Variants in UBR4 observed in about 807,000 individuals in gnomAD.
UBR4 encodes ubiquitin protein ligase E3 component n-recognin 4, also known as E3 ubiquitin-protein ligase UBR4.
In UBR4, 124 loss-of-function variants were observed where a neutral mutation model predicts 575.6. The ratio of observed to expected loss-of-function variants is 0.22; its 90% CI spans 0.19 to 0.25. UBR4 has a LOEUF of 0.25. UBR4 is among the 10% of genes least tolerant of loss of function. UBR4 has a pLI of 1.00. For missense variants in UBR4, 4,818 were observed against 6,478.8 expected (o/e 0.74, Z 8.80); for synonymous variants, 2,455 against 2,473.7 (o/e 0.99, Z 0.22).
At chr1:19,147,447 G>A (rs1311802586) in intron 51 of UBR4, among the ~76,000 whole-genome samples, 2 of 152,170 alleles carry the variant, frequency 1.3e-5, no homozygotes, top group Non-Finnish European at 2.9e-5. Flanking sequence ...GCTCCTCTCA[G>A]AGCCTTCCTC....
intron 85 of UBR4, 129 bp downstream of exon 85, chr1:19,104,919 A>G: frequency 1.4e-6 from 2 of 1,425,762 alleles, no homozygotes; most frequent in Non-Finnish European, 9.5e-7. Flanking sequence ...TCATAAAAAT[A>G]TTTCCAAACA....
At chr1:19,188,243 G>A (rs2091747407) in intron 11 of UBR4, among the ~76,000 whole-genome samples, 1 of 152,008 alleles carries the variant, frequency 6.6e-6, no homozygotes, top group Admixed American at 6.6e-5. Context: ...TAAAATATCT[G>A]GAAACAAATC....
chr1:19,174,280 AAC>A (rs2089983947), intron 22 of UBR4, 37 bp downstream of exon 22: 1 of 1,575,288 alleles, frequency 6.3e-7, no homozygotes, highest in Non-Finnish European at 8.6e-7. Flanking sequence ...TCAATGATCA[AAC>A]ACAACCCAAA....
chr1:19,197,194 T>C lies in UBR4; in HGVS notation c.965A>G (p.Asn322Ser), dbSNP rs753419736. 17 of 1,613,996 alleles carry C rather than the reference T, an allele frequency of 1.1e-5. No individual in the cohort carries two copies. The highest frequency in any genetic ancestry group is 2.2e-5 in the East Asian group (1 of 44,894). Residue 322 changes from asparagine to serine, a missense_variant, in exon 8 of 106, where the codon AAT (asparagine) becomes AGT (serine). Physicochemically the swap from Asn to Ser is conservative, Grantham distance 46 (BLOSUM62 1). Around this residue, in one of 29 missense-constraint regions of UBR4, gnomAD observed 131 missense variants for 214.5 expected, o/e 0.61. Transcript: ENST00000375254. ...TGTCACATCTTGTAGACGAGAAGGA[T>C]TGAGAGGTTCCAACACAGGTAGAGA... Reference protein sequence around the residue: ...TLSLPVLEPLNPSRLQDVTVL... With the variant: ...TLSLPVLEPLSPSRLQDVTVL...
At chr1:19,185,313 A>T (rs1190971144) in intron 14 of UBR4, 27 bp from the exon 15 acceptor site, 1 of 1,502,800 alleles carries the variant, frequency 6.7e-7, no homozygotes, top group South Asian at 1.4e-5. Context: ...AAAGTAACGA[A>T]AATAAATATT....
chr1:19,180,988 A>G (rs2090885959), intron 17 of UBR4, among the ~76,000 whole-genome samples: 1 of 152,168 alleles, frequency 6.6e-6, no homozygotes, highest in Non-Finnish European at 1.5e-5. Flanking sequence ...ACTGTTTCTC[A>G]TTACTTCAAA....
At chr1:19,129,209 TA>T (rs575778622) in intron 60 of UBR4, 135 bp from the exon 61 acceptor site, 15,562 of 530,082 alleles carry the variant, frequency 0.029, 118 homozygotes, top group South Asian at 0.04. Context: ...TCTCCAGCAT[TA>T]AAAAAAAAAG....
intron 43 of UBR4, 132 bp downstream of exon 43, chr1:19,155,309 A>T: frequency 6.3e-6 from 7 of 1,109,732 alleles, no homozygotes; most frequent in Non-Finnish European, 8.9e-6. Context: ...TGGAAAAACA[A>T]AGAAAAAGAA....
At chr1:19,164,469 G>A (rs759475600) in intron 32 of UBR4, 28 bp from the exon 33 acceptor site, 1 of 1,600,032 alleles carries the variant, frequency 6.2e-7, no homozygotes, top group Non-Finnish European at 8.5e-7. Flanking sequence ...GCAAGTTGGT[G>A]AATAATCAAC....
At chr1:19,146,046 G>A (rs772112677) in intron 52 of UBR4, 113 bp from the exon 53 acceptor site, 1 of 1,581,964 alleles carries the variant, frequency 6.3e-7, no homozygotes, top group East Asian at 2.3e-5. Flanking sequence ...TTCAAGTGGG[G>A]CCCCAATCAA....
rs145229332 is a variant in UBR4, at chr1:19,126,506, T to C, written c.9378A>G (p.Lys3126=). The C allele has an allele frequency of 2.2e-5, 36 of 1,614,092 alleles. No individual in the cohort carries two copies. The African/African-American group carries it at 3.5e-4, about 16-fold the overall frequency. ...EEPVATSQLL[K]PHTTSSPPDM... ...CAGGTGGGGAGGAGGTAGTATGTGG[T>C]TTCAGCAACTGGCTGGTAGCCACAG... The change falls in exon 64 of 106, where the codon AAA becomes AAG. Residue 3126 remains lysine, a synonymous_variant. Coordinates refer to ENST00000375254, the MANE Select transcript of UBR4 (RefSeq NM_020765.3).
At chr1:19,159,077 C>A (rs577514015) in intron 39 of UBR4, among the ~76,000 whole-genome samples, 1 of 152,224 alleles carries the variant, frequency 6.6e-6, no homozygotes, top group East Asian at 1.9e-4. Flanking sequence ...ACCAGTGAGG[C>A]GGAAGTCGCA....
intron 14 of UBR4, among the ~76,000 whole-genome samples, chr1:19,185,647 C>G (rs1485749112): frequency 6.7e-6 from 1 of 149,022 alleles, no homozygotes; most frequent in Non-Finnish European, 1.5e-5. Flanking sequence ...AATATTGGCT[C>G]GCCGCAACCT....
At chr1:19,082,908 C>G (rs79074123) in intron 102 of UBR4, among the ~76,000 whole-genome samples, 1 of 152,178 alleles carries the variant, frequency 6.6e-6, no homozygotes, top group Non-Finnish European at 1.5e-5. Context: ...AGGCACTCAG[C>G]CCCACTGTGA....
rs536488140 is a variant in UBR4 at position 19,121,815 on chromosome 1, C to T, written c.9895+119G>A. 9.4e-4 allele frequency: 1,113 copies of T among 1,182,642 alleles called. 3 individuals carry two copies. Among genetic ancestry groups the T allele is most frequent in the South Asian group, 1.7e-3 (126 of 73,236 alleles). 73.3% of individuals were successfully genotyped at this position (1,182,642 alleles called of 1,614,324 possible). A position where few individuals can be genotyped will look rare whatever the true frequency, so the allele number is the denominator to read the frequency against. On this transcript the variant is annotated intron_variant, in intron 67 of 105. Transcript: ENST00000375254. ...TCTTCTTTGCTAGACAGAGTTCTGT[C>T]TAGTCTATCTTGTTCACAGCTATAT...
chr1:19,121,918 G>C lies in UBR4; in HGVS notation c.9895+16C>G. The C allele has an allele frequency of 6.2e-7, 1 of 1,614,008 alleles. No homozygotes were observed. Among genetic ancestry groups the C allele is most frequent in the South Asian group, 1.1e-5 (1 of 91,060 alleles). ...ATGAATGAATAACAGCAATCAAAAG[G>C]AGCAGCATTGCTTACAGTCATCTTT... On this transcript the variant is annotated intron_variant, in intron 67 of 105. Transcript: ENST00000375254.
intron 39 of UBR4, among the ~76,000 whole-genome samples, chr1:19,158,444 C>T (rs2086753024): frequency 1.3e-5 from 2 of 151,860 alleles, no homozygotes; most frequent in Non-Finnish European, 2.9e-5. Context: ...CAAATAAAAC[C>T]GTGACTCATT....
At position 19,099,688 on chromosome 1, in the gene UBR4, AAGC is replaced by A. The variant is rs767458796; in HGVS notation, c.13222-14_13222-12del. On this transcript the variant is annotated splice_polypyrimidine_tract_variant and intron_variant, in intron 89 of 105. Coordinates refer to ENST00000375254, the MANE Select transcript of UBR4 (RefSeq NM_020765.3). ...ATTGTTCACTAGAAGCTGAACAGAA[AAGC>A]AGGTGAAGCTGTTGTTCCAAATAAT... 3.7e-6 allele frequency: 6 copies of A among 1,608,852 alleles called. No individual in the cohort carries two copies. The highest frequency in any genetic ancestry group is 1.7e-4 in the Middle Eastern group (1 of 6,042).
intron 77 of UBR4, chr1:19,113,297 G>A (rs2080112983): frequency 3.8e-6 from 1 of 262,258 alleles, no homozygotes; most frequent in Non-Finnish European, 7.3e-6. Context: ...CTGACACAAG[G>A]CCCACCCTGG....
Sources: allele counts gnomAD v4.1 joint callset (sites outside exome capture counted in the v4.1 genomes callset), GRCh38; gene constraint gnomAD v4.1.1; regional missense constraint gnomAD v4.1.1; transcripts MANE v1.5; gene names NCBI Gene and HGNC (gene_info 2026-07-23, HGNC 2026-07-21).